Variants in SMIM10L3 observed in about 807,000 individuals in gnomAD.
SMIM10L3 encodes the protein salivary gland specific protein SAGSIN1.
chr7:6,331,030 T>C, the SMIM10L3 span: 1 of 1,614,092 alleles, frequency 6.2e-7, no homozygotes, highest in East Asian at 2.2e-5. Context: ...GGAGGGTGCA[T>C]CTGCAGGCCA....
the SMIM10L3 span, among the ~76,000 whole-genome samples, chr7:6,336,172 CAA>C: frequency 9.1e-5 from 12 of 131,780 alleles, no homozygotes; most frequent in Admixed American, 7.9e-5. Flanking sequence ...GATTTTGCCT[CAA>C]AAAAAAAAAA....
the SMIM10L3 span, among the ~76,000 whole-genome samples, chr7:6,348,069 C>T: frequency 1.3e-5 from 2 of 151,664 alleles, no homozygotes; most frequent in Non-Finnish European, 2.9e-5. Flanking sequence ...CGCCACCACG[C>T]CCGGCTAATT....
the SMIM10L3 span, among the ~76,000 whole-genome samples, chr7:6,336,635 G>T: frequency 6.6e-6 from 1 of 150,718 alleles, no homozygotes. Context: ...CGTGAGCCAA[G>T]ATGGCACCAC....
chr7:6,340,906 A>AG, the SMIM10L3 span, among the ~76,000 whole-genome samples: 2 of 148,562 alleles, frequency 1.3e-5, no homozygotes, highest in African/African-American at 5.0e-5. Flanking sequence ...CTCAAAAAAA[A>AG]AAAAAAAAAA....
At chr7:6,330,672 C>A in the SMIM10L3 span, 1 of 1,614,086 alleles carries the variant, frequency 6.2e-7, no homozygotes, top group Non-Finnish European at 8.5e-7. Flanking sequence ...CCATTTCCGG[C>A]ACTTTTTGAT....
chr7:6,333,177 A>G, the SMIM10L3 span, among the ~76,000 whole-genome samples: 7 of 151,912 alleles, frequency 4.6e-5, no homozygotes, highest in African/African-American at 1.7e-4. Context: ...TCAAAAAAAA[A>G]AAAACAAAAA....
At chr7:6,331,765 C>T in the SMIM10L3 span, among the ~76,000 whole-genome samples, 4 of 120,516 alleles carry the variant, frequency 3.3e-5, no homozygotes, top group South Asian at 2.8e-4. Flanking sequence ...TTTGAGATGG[C>T]GTTTCGCTCT....
At chr7:6,330,772 C>T in the SMIM10L3 span, 5 of 1,614,124 alleles carry the variant, frequency 3.1e-6, no homozygotes, top group Admixed American at 3.3e-5. Context: ...CAGCCAGTCT[C>T]GCCGCCCCAG....
the SMIM10L3 span, among the ~76,000 whole-genome samples, chr7:6,335,037 G>A: frequency 6.6e-6 from 1 of 151,964 alleles, no homozygotes; most frequent in Non-Finnish European, 1.5e-5. Context: ...AAAGTGGTGG[G>A]ATTACAGGTG....
chr7:6,346,549 T>G, the SMIM10L3 span, among the ~76,000 whole-genome samples: 1 of 152,008 alleles, frequency 6.6e-6, no homozygotes, highest in Non-Finnish European at 1.5e-5. Context: ...CCCAGCTAAT[T>G]TTTTGTATTT....
the SMIM10L3 span, among the ~76,000 whole-genome samples, chr7:6,344,977 G>A: frequency 1.2e-3 from 181 of 152,266 alleles, no homozygotes; most frequent in Non-Finnish European, 2.1e-3. Context: ...CTGACCTCAG[G>A]TGATCTGCCT....
At chr7:6,348,399 C>G in the SMIM10L3 span, among the ~76,000 whole-genome samples, 15 of 152,172 alleles carry the variant, frequency 9.9e-5, no homozygotes, top group Non-Finnish European at 2.2e-4. Flanking sequence ...GTTTGCAGAA[C>G]GGGGATAAGG....
the SMIM10L3 span, among the ~76,000 whole-genome samples, chr7:6,347,748 C>T: frequency 6.6e-6 from 1 of 151,842 alleles, no homozygotes; most frequent in East Asian, 1.9e-4. Flanking sequence ...TTTTTAGCTT[C>T]AAGGATAACA....
At chr7:6,339,283 C>G in the SMIM10L3 span, among the ~76,000 whole-genome samples, 8 of 151,990 alleles carry the variant, frequency 5.3e-5, no homozygotes, top group Non-Finnish European at 8.8e-5. Context: ...GCCTGAGCAA[C>G]ACAGCAAGAC....
At chr7:6,333,093 G>C in the SMIM10L3 span, among the ~76,000 whole-genome samples, 2 of 151,124 alleles carry the variant, frequency 1.3e-5, no homozygotes, top group South Asian at 2.1e-4. Context: ...GGAGGCAGAG[G>C]TTGCAGTGAG....
the SMIM10L3 span, among the ~76,000 whole-genome samples, chr7:6,348,013 C>T: frequency 6.6e-6 from 1 of 151,442 alleles, no homozygotes; most frequent in Non-Finnish European, 1.5e-5. Context: ...CAGGTTCCAG[C>T]GATTCTGCCG....
At chr7:6,344,232 C>A in the SMIM10L3 span, among the ~76,000 whole-genome samples, 1 of 151,826 alleles carries the variant, frequency 6.6e-6, no homozygotes, top group Admixed American at 6.6e-5. Flanking sequence ...CAGAAAGCCA[C>A]AAAAATTAAA....
At chr7:6,348,870 C>A in the SMIM10L3 span, 2 of 387,910 alleles carry the variant, frequency 5.2e-6, no homozygotes, top group Admixed American at 4.6e-5. Flanking sequence ...GCGGCTAGAC[C>A]GGCGGGCGGG....
chr7:6,337,868 A>G, the SMIM10L3 span, among the ~76,000 whole-genome samples: 2 of 151,432 alleles, frequency 1.3e-5, no homozygotes, highest in Non-Finnish European at 2.9e-5. Flanking sequence ...CAGTGGTGCA[A>G]TCTTGGCTCA....
Sources: gnomAD v4.1 joint callset for allele counts (sites outside exome capture counted in the v4.1 genomes callset) on GRCh38, gnomAD v4.1.1 for gene constraint, MANE v1.5 for transcripts, NCBI Gene and HGNC (gene_info 2026-07-23, HGNC 2026-07-21) for gene names.